ERP44: variants seen among roughly 807,000 people sequenced by gnomAD.
The protein encoded by ERP44 is endoplasmic reticulum protein 44.
In ERP44, 25 loss-of-function variants were observed where a neutral mutation model predicts 53.4. That is an observed-to-expected ratio of 0.47 (90% CI 0.34 to 0.65). The LOEUF (loss-of-function observed/expected upper bound fraction) is 0.65. Ranked by LOEUF, ERP44 falls within the 30% of genes least tolerant of loss-of-function variation. ERP44 has a pLI of 0.01. For synonymous variants in ERP44, 145 were observed against 161.2 expected (o/e 0.90, Z 0.76); for missense variants, 338 against 493.2 (o/e 0.69, Z 2.98).
rs918541651 is a variant in ERP44, at chr9:99,979,687, G to C, written c.*2925C>G. On this transcript the variant is annotated 3_prime_UTR_variant, in exon 12 of 12. Coordinates refer to ENST00000262455, the MANE Select transcript of ERP44 (RefSeq NM_015051.3). ...CCCTTTTGGTTCTGGGGACTCAACC[G>C]TGTTCTTCAGTCTGGTCTTGCATCC... is the stretch of plus-strand genomic sequence containing the variant. 4 of 350,764 alleles carry C rather than the reference G, an allele frequency of 1.1e-5. No individual in the cohort carries two copies. Among genetic ancestry groups the C allele is most frequent in the Non-Finnish European group, 2.0e-5 (4 of 196,406 alleles). The allele number at this position is 350,764 out of a possible 1,614,324, so 21.7% of individuals were successfully genotyped here.
At chr9:100,082,403 T>C (rs2118750003) in intron 1 of ERP44, among the ~76,000 whole-genome samples, 1 of 141,108 alleles carries the variant, frequency 7.1e-6, no homozygotes, top group Admixed American at 7.4e-5. Context: ...TATATATATA[T>C]ATGCAGAAAA....
intron 6 of ERP44, 131 bp downstream of exon 6, chr9:100,020,485 G>A (rs899813974): frequency 1.7e-6 from 1 of 597,544 alleles, no homozygotes; most frequent in African/African-American, 1.9e-5. Context: ...CAGGTATAAA[G>A]ACTGTTTAGT....
In ERP44 at chr9:100,020,657, C is replaced by G. The variant is rs768743894; in HGVS notation, c.546G>C (p.Ala182=). 6.2e-7 allele frequency: 1 copy of G among 1,610,230 alleles called. No homozygotes were observed. Among genetic ancestry groups the G allele is most frequent in the South Asian group, 1.1e-5 (1 of 90,884 alleles). ...SDNYRVFERV[A]NILHDDCAFL... ...AGGCACAGTCATCATGCAAAATATT[C>G]GCTACTCGTTCAAAAACTCTATAGT... Residue 182 remains alanine (A), a synonymous_variant, in exon 6 of 12, where the codon GCG becomes GCC. Coordinates refer to ENST00000262455, the MANE Select transcript of ERP44 (RefSeq NM_015051.3).
At chr9:100,029,703 G>A (rs1825759180) in intron 4 of ERP44, among the ~76,000 whole-genome samples, 1 of 152,150 alleles carries the variant, frequency 6.6e-6, no homozygotes, top group African/African-American at 2.4e-5. Flanking sequence ...AGTATAGCAA[G>A]GACATATCTG....
chr9:100,038,421 G>A (rs1476055032), intron 4 of ERP44, among the ~76,000 whole-genome samples: 2 of 152,076 alleles, frequency 1.3e-5, no homozygotes, highest in African/African-American at 2.4e-5. Context: ...TTTATGCAGT[G>A]TTATCAGCTT....
chr9:99,999,256 T>G (rs1830351923), intron 10 of ERP44, among the ~76,000 whole-genome samples: 1 of 152,098 alleles, frequency 6.6e-6, no homozygotes, highest in Non-Finnish European at 1.5e-5. Flanking sequence ...TTGTGTATCT[T>G]TTGAGAACTG....
At chr9:100,084,103 C>T (rs1354780163) in intron 1 of ERP44, among the ~76,000 whole-genome samples, 3 of 152,120 alleles carry the variant, frequency 2.0e-5, no homozygotes. Flanking sequence ...CAGAGTCTTA[C>T]AGAAGACTTA....
At chr9:99,989,042 C>G (rs1027861436) in intron 10 of ERP44, among the ~76,000 whole-genome samples, 1 of 152,204 alleles carries the variant, frequency 6.6e-6, no homozygotes, top group African/African-American at 2.4e-5. Context: ...GAATCTCGAA[C>G]TGGGTGGAGC....
intron 8 of ERP44, 73 bp downstream of exon 8, chr9:100,016,245 TAGTA>T: frequency 6.6e-7 from 1 of 1,526,694 alleles, no homozygotes; most frequent in Non-Finnish European, 8.7e-7. Flanking sequence ...TCTGTTAACA[TAGTA>T]AGACAGGTGG....
chr9:100,016,589 C>T (rs994828286), intron 7 of ERP44, 151 bp from the exon 8 acceptor site: 157 of 1,155,244 alleles, frequency 1.4e-4, no homozygotes, highest in Non-Finnish European at 1.7e-4. Flanking sequence ...GCAGCCTTGA[C>T]CTCCTGGGCT....
At chr9:100,063,680 T>C (rs974793922) in intron 1 of ERP44, among the ~76,000 whole-genome samples, 2 of 152,224 alleles carry the variant, frequency 1.3e-5, no homozygotes, top group East Asian at 1.9e-4. Flanking sequence ...TAGATCTTAA[T>C]AGTCATGAAG....
chr9:100,042,403 G>C (rs1292271210), intron 4 of ERP44, among the ~76,000 whole-genome samples: 1 of 152,120 alleles, frequency 6.6e-6, no homozygotes. Context: ...CAAAAGACAG[G>C]CAATCAAATG....
At chr9:100,067,690 C>T (rs1393408911) in intron 1 of ERP44, among the ~76,000 whole-genome samples, 1 of 151,672 alleles carries the variant, frequency 6.6e-6, no homozygotes, top group Non-Finnish European at 1.5e-5. Context: ...CCTGGCTGCC[C>T]AGTCTGGAAA....
rs116427324 is a variant in ERP44 at position 100,091,138 on chromosome 9, G to A, written c.57+7646C>T. 5.0e-3 allele frequency among the ~76,000 whole-genome samples: 768 copies of A among 152,180 alleles called. 7 individuals carry two copies. The highest frequency in any genetic ancestry group is 0.017 in the African/African-American group (725 of 41,508). ...TTTCTCTACTATATTAGCAATGTTC[G>A]TGTCTACAAATTCAGGTGACTTAAA... is the stretch of plus-strand genomic sequence containing the variant. On this transcript the variant is annotated intron_variant, in intron 1 of 11. Coordinates refer to ENST00000262455, the MANE Select transcript of ERP44 (RefSeq NM_015051.3).
chr9:99,998,806 T>G lies in ERP44; in HGVS notation c.1016+7700A>C, dbSNP rs1278461183. On this transcript the variant is annotated intron_variant, in intron 10 of 11. Coordinates refer to ENST00000262455, the MANE Select transcript of ERP44 (RefSeq NM_015051.3). ...GTTCTTCTCGCTTCTCTTCTCGAAT[T>G]CTCTGCTTTTCTAATTTTCTATTTT... 3 of 1,013,190 alleles carry G rather than the reference T, an allele frequency of 3.0e-6. No homozygotes were observed. In the East Asian group the frequency reaches 7.6e-5, roughly 26 times the overall value. 62.8% of individuals were successfully genotyped at this position (1,013,190 alleles called of 1,614,324 possible).
At chr9:100,004,420 C>T (rs1052574873) in intron 10 of ERP44, among the ~76,000 whole-genome samples, 5 of 152,266 alleles carry the variant, frequency 3.3e-5, no homozygotes, top group South Asian at 4.1e-4. Flanking sequence ...GGGCAGGCCT[C>T]GGGCCTGCAG....
intron 10 of ERP44, among the ~76,000 whole-genome samples, chr9:100,000,128 T>A (rs927237421): frequency 1.1e-4 from 17 of 152,104 alleles, no homozygotes; most frequent in African/African-American, 3.6e-4. Flanking sequence ...TGACTTTGAA[T>A]GTGTTTAAGA....
chr9:100,096,178 C>T (rs1038835122), intron 1 of ERP44, among the ~76,000 whole-genome samples: 2 of 152,116 alleles, frequency 1.3e-5, no homozygotes, highest in East Asian at 1.9e-4. Context: ...CATGAGACAA[C>T]TTCTTTCCAA....
At chr9:100,021,211 G>GT (rs1228551343) in intron 5 of ERP44, among the ~76,000 whole-genome samples, 1 of 152,212 alleles carries the variant, frequency 6.6e-6, no homozygotes, top group Non-Finnish European at 1.5e-5. Context: ...GAAATACGAG[G>GT]TAATGCCTCT....
Sources: gnomAD v4.1 joint callset for allele counts (sites outside exome capture counted in the v4.1 genomes callset) on GRCh38, gnomAD v4.1.1 for gene constraint, MANE v1.5 for transcripts, NCBI Gene and HGNC (gene_info 2026-07-23, HGNC 2026-07-21) for gene names.